Variants in SCAPER observed in about 807,000 individuals in gnomAD.
SCAPER encodes S-phase cyclin A associated protein in the ER, also known as S phase cyclin A-associated protein in the endoplasmic reticulum.
In SCAPER, 98 loss-of-function variants were observed where a neutral mutation model predicts 182.2. The ratio of observed to expected loss-of-function variants is 0.54; its 90% confidence interval spans 0.46 to 0.64. The LOEUF is 0.64. Ranked by LOEUF, SCAPER falls within the 30% of genes least tolerant of loss-of-function variation. The pLI is 0.00. For missense variants in SCAPER, 1,432 were observed against 1,690.0 expected, an observed-to-expected ratio of 0.85 and a Z score of 2.68; for synonymous variants, 605 against 564.6, an observed-to-expected ratio of 1.07 and a Z score of -1.01.
At chr15:76,620,063 G>A (rs116495855) in intron 22 of SCAPER, among the ~76,000 whole-genome samples, 5,101 of 152,068 alleles carry the variant, frequency 0.034, 260 homozygotes, top group African/African-American at 0.11. Context: ...GCGACAGAGC[G>A]AGACTCTGTC....
chr15:76,658,808 A>G (rs1287368047), intron 21 of SCAPER, among the ~76,000 whole-genome samples: 3 of 152,192 alleles, frequency 2.0e-5, no homozygotes, highest in African/African-American at 4.8e-5. Context: ...TGACAAGAAC[A>G]AGCAGTGGGG....
chr15:76,779,547 T>C (rs901506452), intron 8 of SCAPER, among the ~76,000 whole-genome samples: 1 of 152,128 alleles, frequency 6.6e-6, no homozygotes, highest in African/African-American at 2.4e-5. Context: ...AAACTCAATA[T>C]ACAATTTAAA....
Position 76,348,694 on chromosome 15 carries a change from C to CT in SCAPER, c.4141dup (p.Arg1381LysfsTer34). On this transcript the variant is annotated frameshift_variant, in exon 32 of 32. Coordinates refer to ENST00000563290, the MANE Select transcript of SCAPER (RefSeq NM_020843.4). LOFTEE classifies it high-confidence loss of function. ...TTCTTCCCAGGCCTGCTGAGGAAAT[C>CT]TGTTAGCCAGCTCAAGATAGTCTTG... 6.4e-7 allele frequency: 1 copy of CT among 1,558,398 alleles called. No homozygotes were observed. Among genetic ancestry groups the CT allele is most frequent in the Non-Finnish European group, 8.7e-7 (1 of 1,149,572 alleles).
chr15:76,372,700 C>T (rs1016424396), intron 29 of SCAPER, among the ~76,000 whole-genome samples: 1 of 152,174 alleles, frequency 6.6e-6, no homozygotes, highest in Non-Finnish European at 1.5e-5. Context: ...AAATTACTCA[C>T]CTCTTTCAAA....
At chr15:76,637,924 T>C (rs1476376544) in intron 21 of SCAPER, among the ~76,000 whole-genome samples, 1 of 151,936 alleles carries the variant, frequency 6.6e-6, no homozygotes, top group Non-Finnish European at 1.5e-5. Context: ...CTCATTTGTA[T>C]GTCTTCTTTG....
chr15:76,494,391 T>G (rs1038393939), intron 24 of SCAPER, among the ~76,000 whole-genome samples: 1 of 152,214 alleles, frequency 6.6e-6, no homozygotes, highest in Non-Finnish European at 1.5e-5. Context: ...TGGTTCCTAG[T>G]CTGCTAGGTG....
Position 76,348,529 on chromosome 15 carries a change from A to C in SCAPER, c.*104T>G. 1 of 696,786 alleles carries C rather than the reference A, an allele frequency of 1.4e-6. No homozygotes were observed. The allele number at this position is 696,786 out of a possible 1,614,324, so 43.2% of individuals were successfully genotyped here. A position where few individuals can be genotyped will look rare whatever the true frequency, so the allele number is the denominator to read the frequency against. On this transcript the variant is annotated 3_prime_UTR_variant, in exon 32 of 32. Transcript: ENST00000563290. Reference sequence around the variant, plus strand: ...CATGCCATATCTACAGTGTGGGAAGAGTATAAACATGGGAAAATGAGTTCT... The same window carrying C: ...CATGCCATATCTACAGTGTGGGAAGCGTATAAACATGGGAAAATGAGTTCT...
intron 20 of SCAPER, among the ~76,000 whole-genome samples, chr15:76,693,778 A>AC (rs2147161697): frequency 6.6e-6 from 1 of 152,284 alleles, no homozygotes; most frequent in South Asian, 2.1e-4. Context: ...TTCCACTTAT[A>AC]TGGGGTTCAT....
At chr15:76,788,572 C>T (rs2064780759) in intron 8 of SCAPER, among the ~76,000 whole-genome samples, 2 of 151,998 alleles carry the variant, frequency 1.3e-5, no homozygotes, top group Admixed American at 1.3e-4. Flanking sequence ...TATATTAATT[C>T]ATTACCCTGT....
At position 76,357,150 on chromosome 15, in the gene SCAPER, T is replaced by TCTCACACA. The variant is rs1555410452; in HGVS notation, c.3856-3011_3856-3010insTGTGTGAG. ...AAAAGAAGTAACCTTTTTATTGACA[T>TCTCACACA]CACACACACACACACACACACACAC... On this transcript the variant is annotated intron_variant, in intron 29 of 31. Coordinates refer to ENST00000563290, the MANE Select transcript of SCAPER (RefSeq NM_020843.4). Among the ~76,000 whole-genome samples the TCTCACACA allele has an allele frequency of 7.8e-5, 10 of 128,954 alleles. No homozygotes were observed. The East Asian group carries it at 9.7e-4, about 12-fold the overall frequency. 84.6% of individuals were successfully genotyped at this position (128,954 alleles called of 152,430 possible).
intron 24 of SCAPER, among the ~76,000 whole-genome samples, chr15:76,491,613 C>T (rs1269841314): frequency 1.3e-5 from 2 of 151,990 alleles, no homozygotes. Context: ...CTCTCCAGCA[C>T]TTGGTATTAC....
intron 23 of SCAPER, among the ~76,000 whole-genome samples, chr15:76,533,396 T>C (rs2043845408): frequency 6.6e-6 from 1 of 152,202 alleles, no homozygotes; most frequent in Non-Finnish European, 1.5e-5. Context: ...ACATGAATAC[T>C]TACCATTGTG....
At chr15:76,870,247 AATT>A (rs2072612272) in intron 2 of SCAPER, among the ~76,000 whole-genome samples, 3 of 152,220 alleles carry the variant, frequency 2.0e-5, no homozygotes, top group Non-Finnish European at 4.4e-5. Flanking sequence ...AGAAAAGAAT[AATT>A]TGAATGTTTC....
At position 76,670,443 on chromosome 15, in the gene SCAPER, A is replaced by G. The variant is rs1387785717; in HGVS notation, c.2509-4654T>C. 2.0e-5 allele frequency among the ~76,000 whole-genome samples: 3 copies of G among 152,250 alleles called. No individual in the cohort carries two copies. The East Asian group carries it at 5.8e-4, about 29-fold the overall frequency. The stretch of plus-strand genomic sequence containing the variant: ...TAATGCCTTATTGTTAGACATGTGG[A>G]TAATTTTTAATTTTTCAATGTCATA... On this transcript the variant is annotated intron_variant, in intron 20 of 31. Coordinates refer to ENST00000563290, the MANE Select transcript of SCAPER (RefSeq NM_020843.4).
At chr15:76,651,332 A>G (rs1567702100) in intron 21 of SCAPER, among the ~76,000 whole-genome samples, 1 of 152,180 alleles carries the variant, frequency 6.6e-6, no homozygotes. Flanking sequence ...TACAGGAATT[A>G]AAAGAAAAAT....
At chr15:76,360,472 T>A (rs2041324340) in intron 29 of SCAPER, among the ~76,000 whole-genome samples, 1 of 152,186 alleles carries the variant, frequency 6.6e-6, no homozygotes, top group Admixed American at 6.5e-5. Flanking sequence ...GCTAGATTCT[T>A]CCTCACCTCA....
intron 26 of SCAPER, among the ~76,000 whole-genome samples, chr15:76,415,149 A>C (rs903392056): frequency 2.0e-5 from 3 of 152,204 alleles, no homozygotes; most frequent in Non-Finnish European, 2.9e-5. Context: ...GGGGAAATGG[A>C]AACTGCAGTT....
At chr15:76,464,880 A>G (rs1236436449) in intron 25 of SCAPER, among the ~76,000 whole-genome samples, 1 of 151,890 alleles carries the variant, frequency 6.6e-6, no homozygotes. Context: ...ATTTCACCAC[A>G]CTCCTACCAA....
chr15:76,769,182 A>T (rs2063294678), intron 10 of SCAPER, among the ~76,000 whole-genome samples: 1 of 151,764 alleles, frequency 6.6e-6, no homozygotes, highest in South Asian at 2.1e-4. Flanking sequence ...GGTGGCTCAC[A>T]CCTGTATCCC....
Sources: allele counts gnomAD v4.1 joint callset (sites outside exome capture counted in the v4.1 genomes callset), GRCh38; gene constraint gnomAD v4.1.1; transcripts MANE v1.5; gene names NCBI Gene and HGNC (gene_info 2026-07-23, HGNC 2026-07-21).